The following NCOR2 variants were observed in gnomAD, a reference collection of about 807,000 sequenced individuals.
NCOR2 encodes the protein nuclear receptor corepressor 2.
NCOR2 carries 81 observed loss-of-function variants against 262.9 expected under a neutral mutation model. That is an observed-to-expected ratio of 0.31 (90% CI 0.26 to 0.37). NCOR2 has a LOEUF of 0.37. Ranked by LOEUF, NCOR2 falls within the 10% of genes least tolerant of loss-of-function variation. The pLI, the probability that NCOR2 is intolerant of heterozygous loss-of-function variation, is 1.00. For missense variants in NCOR2, 3,385 were observed against 3,621.4 expected, an observed-to-expected ratio of 0.93 and a Z score of 1.68; for synonymous variants, 1,659 against 1,559.3, an observed-to-expected ratio of 1.06 and a Z score of -1.51.
intron 18 of NCOR2, among the ~76,000 whole-genome samples, chr12:124,377,130 C>G (rs2040066864): frequency 6.6e-6 from 1 of 152,212 alleles, no homozygotes; most frequent in African/African-American, 2.4e-5. Context: ...ACACTGATAA[C>G]AAAGTTGAGC....
intron 1 of NCOR2, among the ~76,000 whole-genome samples, chr12:124,520,209 T>C (rs1424791372): frequency 1.3e-5 from 2 of 152,184 alleles, no homozygotes; most frequent in Non-Finnish European, 2.9e-5. Flanking sequence ...GGGATTCTGC[T>C]ACTCTTACGC....
chr12:124,422,516 T>C (rs1239505085), exon 12 of NCOR2: 1 of 1,613,940 alleles, frequency 6.2e-7, no homozygotes, highest in Non-Finnish European at 8.5e-7. Context: ...TCTCCAGGAA[T>C]GATGCGATCA....
exon 10 of NCOR2, chr12:124,429,652 G>C (rs747455948): frequency 6.2e-7 from 1 of 1,609,604 alleles, no homozygotes; most frequent in Non-Finnish European, 8.5e-7. Flanking sequence ...CTGACACCTC[G>C]TGCTCGCTGC....
At chr12:124,338,025 A>G (rs961189603) in intron 37 of NCOR2, among the ~76,000 whole-genome samples, 1 of 152,236 alleles carries the variant, frequency 6.6e-6, no homozygotes, top group Non-Finnish European at 1.5e-5. Flanking sequence ...GCCAGGGATT[A>G]GTGCTTCATG....
At position 124,389,350 on chromosome 12, in the gene NCOR2, CGGCGGGCGGGCA is replaced by C. The variant is rs1565900429; in HGVS notation, c.1877-3475_1877-3464del. Among the ~76,000 whole-genome samples, 3 of 152,100 alleles carry C rather than the reference CGGCGGGCGGGCA, an allele frequency of 2.0e-5. No homozygotes were observed. The highest frequency in any genetic ancestry group is 7.2e-5 in the African/African-American group (3 of 41,508). On this transcript the variant is annotated intron_variant, in intron 16 of 46. Transcript: ENST00000405201. The surrounding 1 kb of genome is among the most constrained non-coding windows in gnomAD (Gnocchi z 4.4). ...AATGTGACCTCCAGACGGAGGCTCG[CGGCGGGCGGGCA>C]GGCGGGCGGGGGAGCGTGGCAGAGG...
At chr12:124,474,159 TACC>T (rs1380914500) in intron 3 of NCOR2, among the ~76,000 whole-genome samples, 1 of 152,204 alleles carries the variant, frequency 6.6e-6, no homozygotes, top group Non-Finnish European at 1.5e-5. Flanking sequence ...GGCCTCTGCA[TACC>T]CTCTGTAAAC....
At chr12:124,426,635 T>C in exon 11 of NCOR2, 1 of 1,586,052 alleles carries the variant, frequency 6.3e-7, no homozygotes, top group South Asian at 1.1e-5. Context: ...TCCCGGAAGG[T>C]CTCCTTCTCC....
chr12:124,489,951 T>C (rs2686664), intron 1 of NCOR2, among the ~76,000 whole-genome samples: 150,642 of 152,284 alleles, frequency 0.99, 74,530 homozygotes, highest in East Asian at 1. Flanking sequence ...ATGCCTGGGA[T>C]TGCACACTGA....
rs535360050 is a variant in NCOR2 at position 124,446,031 on chromosome 12, C to A, written c.815+3784G>T. On this transcript the variant is annotated intron_variant, in intron 7 of 46. Transcript: ENST00000405201. ...CCCTGTGTCCAGCCACATGGTGGGA[C>A]GGGGCCTGCACGGGGCCTCCCTTCC... Among the ~76,000 whole-genome samples the A allele has an allele frequency of 4.7e-3, 720 of 152,334 alleles. 3 individuals carry two copies. Among genetic ancestry groups the A allele is most frequent in the African/African-American group, 0.016 (671 of 41,578 alleles).
exon 27 of NCOR2, chr12:124,354,098 T>A (rs2037745972): frequency 1.2e-6 from 2 of 1,608,224 alleles, no homozygotes; most frequent in Admixed American, 1.7e-5. Flanking sequence ...CCTACGTGGG[T>A]GATGGAGCCG....
At chr12:124,400,342 G>A (rs578161693) in intron 15 of NCOR2, among the ~76,000 whole-genome samples, 159 bp downstream of exon 17, 17 of 152,256 alleles carry the variant, frequency 1.1e-4, no homozygotes, top group South Asian at 8.3e-4. Context: ...GGGCCACACA[G>A]CACATCCAGT....
intron 1 of NCOR2, among the ~76,000 whole-genome samples, chr12:124,526,816 G>A (rs2050495570): frequency 6.6e-6 from 1 of 152,112 alleles, no homozygotes; most frequent in Non-Finnish European, 1.5e-5. Context: ...GTAAGAAGCA[G>A]CTAGAATCCC....
At chr12:124,542,899 G>A (rs1459348548) in intron 1 of NCOR2, 1 of 152,348 alleles carries the variant, frequency 6.6e-6, no homozygotes, top group African/African-American at 2.4e-5. Flanking sequence ...CTTCCATTGA[G>A]AAGCCGCCGG....
At chr12:124,390,201 C>T (rs971113558) in intron 16 of NCOR2, among the ~76,000 whole-genome samples, 9 of 152,134 alleles carry the variant, frequency 5.9e-5, no homozygotes, top group Non-Finnish European at 8.8e-5. Flanking sequence ...ATGCCAACCC[C>T]GTGAAATCAC....
intron 16 of NCOR2, among the ~76,000 whole-genome samples, chr12:124,390,274 G>A (rs2041198518): frequency 6.6e-6 from 1 of 152,202 alleles, no homozygotes; most frequent in African/African-American, 2.4e-5. Context: ...AAAGGCCCTA[G>A]CACGGCCCAG....
At chr12:124,430,154 A>T (rs2043833014) in intron 9 of NCOR2, among the ~76,000 whole-genome samples, 1 of 152,224 alleles carries the variant, frequency 6.6e-6, no homozygotes, top group Non-Finnish European at 1.5e-5. Flanking sequence ...ATCATTACCA[A>T]TGAATCGCCT....
chr12:124,463,553 A>C (rs1565965948), intron 5 of NCOR2, among the ~76,000 whole-genome samples: 1 of 152,178 alleles, frequency 6.6e-6, no homozygotes, highest in Non-Finnish European at 1.5e-5. Flanking sequence ...ATGTGCTCCG[A>C]ATGGATAATG....
chr12:124,325,601 A>G lies in NCOR2; in HGVS notation c.7364-18T>C. The G allele has an allele frequency of 7.9e-7, 1 of 1,268,518 alleles. No individual in the cohort carries two copies. The highest frequency in any genetic ancestry group is 1.0e-6 in the Non-Finnish European group (1 of 997,584). The allele number at this position is 1,268,518 out of a possible 1,614,324, so 78.6% of individuals were successfully genotyped here. A position where few individuals can be genotyped will look rare whatever the true frequency, so the allele number is the denominator to read the frequency against. On this transcript the variant is annotated intron_variant, in intron 46 of 46. Coordinates refer to ENST00000405201, the Ensembl canonical transcript of NCOR2. ...CGTGGAACCTGCGGGAAGAAGCGAA[A>G]GATGCCCAGGAGGCCTCTGTGAGCC...
rs1249901743 is a variant in NCOR2 at position 124,501,050 on chromosome 12, GCGCGCACGCGCGCACACACACA to G, written c.-117-5704_-117-5683del. On this transcript the variant is annotated intron_variant, in intron 1 of 46. Coordinates refer to the NCOR2 transcript ENST00000404621. Reference sequence around the variant, plus strand: ...CAGAGAGCGCCCACGGCACGAGCGCGCGCGCACGCGCGCACACACACACACACACACACACACACACACACAC... The same window carrying G: ...CAGAGAGCGCCCACGGCACGAGCGCGCACACACACACACACACACACACAC... Among the ~76,000 whole-genome samples, 8 of 30,574 alleles carry G rather than the reference GCGCGCACGCGCGCACACACACA, an allele frequency of 2.6e-4. 1 individual carries two copies. The South Asian group carries it at 8.7e-3, about 33-fold the overall frequency. The allele number at this position is 30,574 out of a possible 152,430, so 20.1% of individuals were successfully genotyped here.
Sources: allele counts gnomAD v4.1 joint callset (sites outside exome capture counted in the v4.1 genomes callset), GRCh38; gene constraint gnomAD v4.1.1; non-coding constraint Gnocchi (gnomAD v3.1); transcripts MANE v1.5; gene names NCBI Gene and HGNC (gene_info 2026-07-23, HGNC 2026-07-21).